ZFHX3: variants seen among roughly 807,000 people sequenced by gnomAD.
ZFHX3 encodes the protein zinc finger homeobox protein 3.
ZFHX3 carries 42 observed loss-of-function variants against 279.1 expected under a neutral mutation model. The observed-to-expected ratio is 0.15, with a 90% CI of 0.12 to 0.19. ZFHX3 has a LOEUF of 0.19. Ranked by LOEUF, ZFHX3 falls within the 10% of genes least tolerant of loss-of-function variation. ZFHX3 has a pLI of 1.00. For missense variants in ZFHX3, 4,981 were observed against 4,754.0 expected, an observed-to-expected ratio of 1.05 and a Z score of -1.40; for synonymous variants, 2,293 against 1,957.8, an observed-to-expected ratio of 1.17 and a Z score of -4.52.
At chr16:73,589,435 C>T (rs1453199796) in intron 2 of ZFHX3, among the ~76,000 whole-genome samples, 1 of 136,190 alleles carries the variant, frequency 7.3e-6, no homozygotes, top group Non-Finnish European at 1.6e-5. Context: ...GACGCTCTTT[C>T]AAAAAAAAAA....
At chr16:73,741,863 G>C (rs550632464) in intron 1 of ZFHX3, among the ~76,000 whole-genome samples, 12 of 152,308 alleles carry the variant, frequency 7.9e-5, no homozygotes, top group African/African-American at 2.9e-4. Context: ...ACAGAATGTA[G>C]TCTTACACAT....
intron 1 of ZFHX3, among the ~76,000 whole-genome samples, chr16:73,055,290 G>A (rs1965524074): frequency 6.6e-6 from 1 of 152,014 alleles, no homozygotes; most frequent in African/African-American, 2.4e-5. Flanking sequence ...TTTTGGATTC[G>A]GTATTGTGGG....
At chr16:73,702,111 ATTTC>A (rs1216708692) in intron 1 of ZFHX3, among the ~76,000 whole-genome samples, 3 of 152,022 alleles carry the variant, frequency 2.0e-5, no homozygotes, top group Non-Finnish European at 4.4e-5. Flanking sequence ...GTGAGCAGCA[ATTTC>A]TTTAAGTTCA....
In ZFHX3 at chr16:72,894,142, C is replaced by G. The variant is rs1354540215; in HGVS notation, c.3217-4180G>C. Among the ~76,000 whole-genome samples, 116 of 93,756 alleles carry G rather than the reference C, an allele frequency of 1.2e-3. 1 individual carries two copies. The highest frequency in any genetic ancestry group is 1.1e-4 in the Non-Finnish European group (5 of 47,492). 61.5% of individuals were successfully genotyped at this position (93,756 alleles called of 152,430 possible). ...CCAGCCTGGGCGACAGAGCAAAACT[C>G]TGTCTCAAAAAAAAAAAAAAAAAAT... is the stretch of plus-strand genomic sequence containing the variant. On this transcript the variant is annotated intron_variant, in intron 3 of 9. Coordinates refer to ENST00000268489, the MANE Select transcript of ZFHX3 (RefSeq NM_006885.4).
In ZFHX3 at chr16:72,957,857, C is replaced by T. The variant is rs2144437185; in HGVS notation, c.2289G>A (p.Glu763=). ...CCCCGGCAGTGTGGCTGAAGACCTG[C>T]TCCCCCCCTCCATTCTGCAGGTTCT... ...NMQNLQNGGG[E]QVFSHTAGAA... Residue 763 remains glutamate (E), a synonymous_variant, in exon 2 of 10, where the codon GAG becomes GAA. Coordinates refer to ENST00000268489, the MANE Select transcript of ZFHX3 (RefSeq NM_006885.4). 3.1e-6 allele frequency: 5 copies of T among 1,613,968 alleles called. No individual in the cohort carries two copies. Among genetic ancestry groups the T allele is most frequent in the Non-Finnish European group, 4.2e-6 (5 of 1,180,012 alleles).
chr16:73,698,946 G>A (rs1260870022), intron 1 of ZFHX3, among the ~76,000 whole-genome samples: 1 of 151,924 alleles, frequency 6.6e-6, no homozygotes, highest in South Asian at 2.1e-4. Context: ...GTGCAGTGGC[G>A]TGATCTCGGC....
At chr16:72,914,410 T>C (rs1430151972) in intron 3 of ZFHX3, among the ~76,000 whole-genome samples, 1 of 152,164 alleles carries the variant, frequency 6.6e-6, no homozygotes, top group Admixed American at 6.5e-5. Context: ...CCCTATCTAC[T>C]ACAGACACAA....
At chr16:73,395,111 G>C (rs2017100591) in intron 3 of ZFHX3, among the ~76,000 whole-genome samples, 1 of 152,158 alleles carries the variant, frequency 6.6e-6, no homozygotes, top group African/African-American at 2.4e-5. Context: ...GTAGTCTCTA[G>C]AGGGGAGATG....
intron 5 of ZFHX3, among the ~76,000 whole-genome samples, chr16:73,146,169 C>G (rs943614451): frequency 2.0e-5 from 3 of 152,138 alleles, no homozygotes; most frequent in African/African-American, 7.2e-5. Context: ...GTGACTCACG[C>G]CTAGAATCCC....
At chr16:73,032,712 G>C (rs1325615378) in intron 1 of ZFHX3, among the ~76,000 whole-genome samples, 1 of 151,358 alleles carries the variant, frequency 6.6e-6, no homozygotes, top group Non-Finnish European at 1.5e-5. Flanking sequence ...AGACATCCCA[G>C]AGTCCACACG....
intron 3 of ZFHX3, among the ~76,000 whole-genome samples, chr16:73,322,610 G>C (rs1370266690): frequency 6.6e-6 from 1 of 152,128 alleles, no homozygotes; most frequent in African/African-American, 2.4e-5. Flanking sequence ...TGTTTTTGTA[G>C]GGAGCACAGC....
intron 1 of ZFHX3, among the ~76,000 whole-genome samples, chr16:73,798,704 C>A (rs385183): frequency 0.47 from 70,846 of 151,796 alleles, 20,094 homozygotes; most frequent in African/African-American, 0.81. Flanking sequence ...ACGTCAAGAC[C>A]ATTTCCAACA....
chr16:73,364,756 T>A (rs1281526862), intron 3 of ZFHX3, among the ~76,000 whole-genome samples: 1 of 152,234 alleles, frequency 6.6e-6, no homozygotes, highest in Non-Finnish European at 1.5e-5. Context: ...CCTGCGACCG[T>A]GTGGTTCCAT....
upstream of ZFHX3, among the ~76,000 whole-genome samples, chr16:73,062,705 TG>T (rs1965699926): frequency 7.1e-6 from 1 of 140,784 alleles, no homozygotes; most frequent in Non-Finnish European, 1.5e-5. Context: ...GCAGGGAGAT[TG>T]GGGACACAGA....
chr16:73,305,465 T>C (rs1335397569), intron 4 of ZFHX3, among the ~76,000 whole-genome samples: 1 of 151,954 alleles, frequency 6.6e-6, no homozygotes, highest in Non-Finnish European at 1.5e-5. Context: ...AGTGAGATGT[T>C]ATGGTCAGAA....
intron 4 of ZFHX3, among the ~76,000 whole-genome samples, chr16:73,307,455 C>G (rs1376042876): frequency 7.9e-5 from 12 of 152,202 alleles, no homozygotes; most frequent in Admixed American, 7.2e-4. Context: ...AAAGAACTCT[C>G]TTGTTTCTCT....
chr16:73,422,991 T>C (rs928516467), intron 3 of ZFHX3, among the ~76,000 whole-genome samples: 5 of 152,184 alleles, frequency 3.3e-5, no homozygotes, highest in Non-Finnish European at 7.3e-5. Flanking sequence ...TGTCTTCTCA[T>C]TGTGTCTTCA....
At chr16:73,183,280 C>A (rs1200206588) in intron 5 of ZFHX3, among the ~76,000 whole-genome samples, 1 of 152,198 alleles carries the variant, frequency 6.6e-6, no homozygotes, top group Admixed American at 6.5e-5. Context: ...AGCCAGACTT[C>A]ATCACTGTGT....
At chr16:73,194,826 T>C (rs918534584) in intron 5 of ZFHX3, among the ~76,000 whole-genome samples, 7 of 152,220 alleles carry the variant, frequency 4.6e-5, no homozygotes, top group African/African-American at 1.7e-4. Context: ...AATTCCTAAT[T>C]CTGGAGAAAT....
Sources: allele counts gnomAD v4.1 joint callset (sites outside exome capture counted in the v4.1 genomes callset), GRCh38; gene constraint gnomAD v4.1.1; transcripts MANE v1.5; gene names NCBI Gene and HGNC (gene_info 2026-07-23, HGNC 2026-07-21).